Variants in CAMK1D observed in about 807,000 individuals in gnomAD.
CAMK1D encodes calcium/calmodulin dependent protein kinase ID.
Under a neutral mutation model 47.7 loss-of-function variants are expected in CAMK1D, and 9 were observed. The ratio of observed to expected loss-of-function variants is 0.19; its 90% confidence interval spans 0.11 to 0.33. The LOEUF is 0.33. Among genes scored for constraint, CAMK1D ranks in the 10% least tolerant of loss-of-function variants. The pLI, the probability that CAMK1D is intolerant of heterozygous loss-of-function variation, is 1.00. For synonymous variants in CAMK1D, 184 were observed against 184.9 expected (o/e 0.99, Z 0.04); for missense variants, 291 against 488.7 (o/e 0.60, Z 3.81).
At chr10:12,562,568 C>A (rs1168976858) in intron 2 of CAMK1D, among the ~76,000 whole-genome samples, 1 of 152,168 alleles carries the variant, frequency 6.6e-6, no homozygotes, top group Non-Finnish European at 1.5e-5. Context: ...TTGTGATCTA[C>A]CTCTTTGGTT....
At chr10:12,799,679 G>A (rs1369146015) in intron 6 of CAMK1D, among the ~76,000 whole-genome samples, 1 of 152,136 alleles carries the variant, frequency 6.6e-6, no homozygotes, top group East Asian at 1.9e-4. Context: ...TTCACTGTTA[G>A]CCATGAGCTG....
intron 3 of CAMK1D, among the ~76,000 whole-genome samples, chr10:12,738,238 C>T (rs1342092851): frequency 1.3e-5 from 2 of 152,144 alleles, no homozygotes; most frequent in African/African-American, 2.4e-5. Context: ...AGTAAGAGCT[C>T]ATAAGAATTT....
chr10:12,459,346 A>G (rs1833356482), intron 1 of CAMK1D, among the ~76,000 whole-genome samples: 1 of 152,234 alleles, frequency 6.6e-6, no homozygotes, highest in Non-Finnish European at 1.5e-5. Context: ...TGCTTTCACA[A>G]CAGTCAGGTT....
In CAMK1D at chr10:12,661,382, C is replaced by G. The variant is rs183435785; in HGVS notation, c.225-5354C>G. ...GTGAGAATAGACATAGATTGAATCT[C>G]AGCAATGACAATTATGAGTTCTGTG... On this transcript the variant is annotated intron_variant, in intron 2 of 10. Coordinates refer to ENST00000619168, the MANE Select transcript of CAMK1D (RefSeq NM_153498.4). Among the ~76,000 whole-genome samples, 89 of 152,296 alleles carry G rather than the reference C, an allele frequency of 5.8e-4. 1 individual carries two copies. The highest frequency in any genetic ancestry group is 2.1e-3 in the African/African-American group (87 of 41,560).
chr10:12,393,496 C>T (rs1838822270), intron 1 of CAMK1D, among the ~76,000 whole-genome samples: 1 of 152,168 alleles, frequency 6.6e-6, no homozygotes, highest in Non-Finnish European at 1.5e-5. Context: ...GTGTTACCAC[C>T]ATCTGTCCTC....
chr10:12,764,296 G>A (rs1041477027), intron 4 of CAMK1D, among the ~76,000 whole-genome samples: 1 of 149,732 alleles, frequency 6.7e-6, no homozygotes, highest in African/African-American at 2.5e-5. Context: ...CAGGAGAATC[G>A]CTTTAACTGG....
chr10:12,368,208 A>T (rs1001745061), intron 1 of CAMK1D, among the ~76,000 whole-genome samples: 1 of 149,900 alleles, frequency 6.7e-6, no homozygotes, highest in African/African-American at 2.4e-5. Flanking sequence ...CAAAAAAAAA[A>T]AAAAAATAAA....
intron 3 of CAMK1D, among the ~76,000 whole-genome samples, chr10:12,748,402 G>C (rs150662767): frequency 6.6e-6 from 1 of 152,314 alleles, no homozygotes; most frequent in East Asian, 1.9e-4. Flanking sequence ...GAGGGATGCC[G>C]AGGGTCTGGA....
At chr10:12,519,313 C>T (rs1299717684) in intron 1 of CAMK1D, among the ~76,000 whole-genome samples, 3 of 48,680 alleles carry the variant, frequency 6.2e-5, no homozygotes, top group Non-Finnish European at 1.3e-4. Context: ...CCAGTAGGGG[C>T]GGCCGGGCAG....
At chr10:12,734,538 A>T (rs563311837) in intron 3 of CAMK1D, among the ~76,000 whole-genome samples, 2 of 147,262 alleles carry the variant, frequency 1.4e-5, no homozygotes, top group African/African-American at 2.5e-5. Flanking sequence ...ATATACACAC[A>T]TATGTATATA....
At chr10:12,763,175 A>G (rs1249066788) in intron 4 of CAMK1D, among the ~76,000 whole-genome samples, 3 of 152,050 alleles carry the variant, frequency 2.0e-5, no homozygotes, top group African/African-American at 4.8e-5. Context: ...CCATTTTAGG[A>G]CCTTTCTGTG....
chr10:12,492,064 T>A (rs1330494185), intron 1 of CAMK1D, among the ~76,000 whole-genome samples: 1 of 152,134 alleles, frequency 6.6e-6, no homozygotes, highest in Non-Finnish European at 1.5e-5. Context: ...AGATCACAGG[T>A]GTGAGCCATC....
chr10:12,559,710 A>G (rs956629883), intron 2 of CAMK1D, among the ~76,000 whole-genome samples: 3 of 152,176 alleles, frequency 2.0e-5, no homozygotes, highest in Non-Finnish European at 4.4e-5. Context: ...CCAGCCACTG[A>G]CTGGGCTCAG....
intron 2 of CAMK1D, among the ~76,000 whole-genome samples, chr10:12,664,846 C>G (rs1278599437): frequency 6.6e-6 from 1 of 152,202 alleles, no homozygotes; most frequent in East Asian, 1.9e-4. Flanking sequence ...TCCTATTTCT[C>G]CAGAAATCTA....
intron 4 of CAMK1D, among the ~76,000 whole-genome samples, chr10:12,766,748 T>C (rs1243101738): frequency 2.0e-5 from 3 of 152,000 alleles, no homozygotes; most frequent in Non-Finnish European, 4.4e-5. Flanking sequence ...AGGAGTCCTG[T>C]CAGTGGGGGT....
At chr10:12,768,525 C>T (rs933846947) in intron 4 of CAMK1D, among the ~76,000 whole-genome samples, 4 of 152,154 alleles carry the variant, frequency 2.6e-5, no homozygotes, top group African/African-American at 9.7e-5. Context: ...TCGTGCTGCG[C>T]TCCCTTTAAG....
chr10:12,514,977 A>C (rs1835147249), intron 1 of CAMK1D, among the ~76,000 whole-genome samples: 1 of 151,846 alleles, frequency 6.6e-6, no homozygotes, highest in Non-Finnish European at 1.5e-5. Flanking sequence ...CAGCCTCCTG[A>C]CTAGCTGGGA....
At chr10:12,359,416 A>AT (rs1457822192) in intron 1 of CAMK1D, among the ~76,000 whole-genome samples, 2 of 134,704 alleles carry the variant, frequency 1.5e-5, no homozygotes, top group Non-Finnish European at 3.4e-5. Flanking sequence ...TAATGCTAGC[A>AT]TTAAGCAAAA....
chr10:12,548,628 C>T (rs544817747), intron 1 of CAMK1D, among the ~76,000 whole-genome samples: 1 of 151,826 alleles, frequency 6.6e-6, no homozygotes, highest in South Asian at 2.1e-4. Flanking sequence ...CCGTACCTGG[C>T]TAATTTTTAA....
Sources: allele counts gnomAD v4.1 joint callset (sites outside exome capture counted in the v4.1 genomes callset), GRCh38; gene constraint gnomAD v4.1.1; transcripts MANE v1.5; gene names NCBI Gene and HGNC (gene_info 2026-07-23, HGNC 2026-07-21).